EGF: variants seen among roughly 807,000 people sequenced by gnomAD.
EGF encodes pro-epidermal growth factor.
A neutral mutation model predicts 143.8 loss-of-function variants in EGF; 95 were observed. The ratio of observed to expected loss-of-function variants is 0.66; its 90% CI spans 0.56 to 0.78. The LOEUF is 0.78. Ranked by LOEUF, EGF falls within the 30% of genes least tolerant of loss-of-function variation. EGF has a pLI of 0.00. For synonymous variants in EGF, 510 were observed against 510.5 expected, an observed-to-expected ratio of 1.00 and a Z score of 0.01; for missense variants, 1,320 against 1,470.9, an observed-to-expected ratio of 0.90 and a Z score of 1.68.
intron 5 of EGF, among the ~76,000 whole-genome samples, chr4:109,955,796 G>A (rs535956097): frequency 1.7e-4 from 26 of 152,268 alleles, no homozygotes; most frequent in African/African-American, 5.3e-4. Context: ...AAAAGGCACC[G>A]TGCTAGGTGT....
intron 1 of EGF, among the ~76,000 whole-genome samples, chr4:109,920,249 A>G (rs568589819): frequency 1.3e-5 from 2 of 151,822 alleles, no homozygotes; most frequent in Admixed American, 6.5e-5. Context: ...CAACTTTCCA[A>G]TGTAAATTGC....
In EGF at chr4:110,008,225, C is replaced by G; in HGVS notation, c.3365C>G (p.Ala1122Gly). The change falls in exon 23 of 24, where the codon GCA (alanine) becomes GGA (glycine). Residue 1122 changes from alanine (A) to glycine (G), a missense_variant. By Grantham distance (60) the Ala-to-Gly change is moderately conservative. Transcript: ENST00000265171. ...GTGGCTGGTGAGGATGGCCAGGCAG[C>G]AGATGGTCAGTTTTTATCCCTGGCT... ...QPVAGEDGQA[A>G]DGSMQPTSWR... is the part of the protein sequence containing the mutation. 6.2e-7 allele frequency: 1 copy of G among 1,613,956 alleles called. No individual in the cohort carries two copies. The highest frequency in any genetic ancestry group is 8.5e-7 in the Non-Finnish European group (1 of 1,179,934).
rs139266578 is a variant in EGF at position 109,974,796 on chromosome 4, T to C, written c.1818T>C (p.His606=). The stretch of plus-strand genomic sequence containing the variant: ...CTCAACCACGAGGAATTGCTGTTCA[T>C]CCAATGGCCAAGTAGGTATTTGTAA... ...NISQPRGIAV[H]PMAKRLFWTD... The change falls in exon 12 of 24, where the codon CAT becomes CAC. Residue 606 remains histidine, a synonymous_variant. Transcript: ENST00000265171. 52 of 1,612,874 alleles carry C rather than the reference T, an allele frequency of 3.2e-5. No homozygotes were observed. The highest frequency in any genetic ancestry group is 5.0e-5 in the Admixed American group (3 of 59,984).
intron 5 of EGF, among the ~76,000 whole-genome samples, chr4:109,950,655 C>A (rs1743739145): frequency 6.6e-6 from 1 of 152,108 alleles, no homozygotes; most frequent in Non-Finnish European, 1.5e-5. Flanking sequence ...CTGTTGCAAC[C>A]ATTCTCAAAG....
chr4:109,931,335 C>T (rs956704290), intron 1 of EGF, among the ~76,000 whole-genome samples: 1 of 152,140 alleles, frequency 6.6e-6, no homozygotes, highest in Non-Finnish European at 1.5e-5. Context: ...ATAGCCTGGG[C>T]TCTGGTTTAC....
At chr4:109,941,829 C>T (rs1412038328) in intron 2 of EGF, among the ~76,000 whole-genome samples, 1 of 152,196 alleles carries the variant, frequency 6.6e-6, no homozygotes, top group Admixed American at 6.5e-5. Context: ...TACTTTACTT[C>T]ATGTACATAC....
In EGF at chr4:109,960,853, T is replaced by C; in HGVS notation, c.1067-14T>C. 6.2e-7 allele frequency: 1 copy of C among 1,613,828 alleles called. No homozygotes were observed. The highest frequency in any genetic ancestry group is 8.5e-7 in the Non-Finnish European group (1 of 1,179,818). On this transcript the variant is annotated splice_polypyrimidine_tract_variant and intron_variant, in intron 6 of 23. Coordinates refer to ENST00000265171, the MANE Select transcript of EGF (RefSeq NM_001963.6). ...ATAGCCATTTGAATGTATTGTGCTG[T>C]TGTCATTGTGCAGATGTTAATGAAT...
chr4:109,963,339 A>C (rs749082116), intron 9 of EGF, 41 bp downstream of exon 9: 22 of 1,613,370 alleles, frequency 1.4e-5, no homozygotes, highest in Non-Finnish European at 1.9e-5. Flanking sequence ...CCTGAAAAAA[A>C]ATTCATGAAA....
At chr4:109,994,688 A>G in intron 19 of EGF, 45 bp from the exon 20 acceptor site, 1 of 1,604,056 alleles carries the variant, frequency 6.2e-7, no homozygotes, top group Non-Finnish European at 8.5e-7. Context: ...CTTGAAAGAC[A>G]CTAATCCATT....
rs1560785855 is a variant in EGF at position 110,013,674 on chromosome 4, T to C, written c.*2219T>C. Among the ~76,000 whole-genome samples the C allele has an allele frequency of 6.6e-6, 1 of 152,114 alleles. No homozygotes were observed. Among genetic ancestry groups the C allele is most frequent in the Non-Finnish European group, 1.5e-5 (1 of 68,028 alleles). ...TCGTCTCATTGCGCGCAACGCCTGA[T>C]TGAGCTTCTGTTTGACTAAATATCA... On this transcript the variant is annotated 3_prime_UTR_variant, in exon 24 of 24. Transcript: ENST00000265171.
intron 1 of EGF, among the ~76,000 whole-genome samples, chr4:109,940,308 C>T (rs1222511503): frequency 2.0e-5 from 3 of 152,092 alleles, no homozygotes. Flanking sequence ...AAATAGAGAA[C>T]AAATTTTTAG....
At chr4:109,994,324 G>T (rs918846070) in intron 19 of EGF, among the ~76,000 whole-genome samples, 1 of 152,170 alleles carries the variant, frequency 6.6e-6, no homozygotes, top group African/African-American at 2.4e-5. Flanking sequence ...GGAGGTAACG[G>T]ACTGCACATT....
intron 21 of EGF, chr4:110,001,778 A>G: frequency 1.0e-6 from 1 of 985,448 alleles, no homozygotes; most frequent in Non-Finnish European, 1.2e-6. Flanking sequence ...TCATACTCCA[A>G]AAATCAGAAG....
At chr4:110,008,271 A>G in intron 23 of EGF, 41 bp downstream of exon 23, 2 of 1,609,596 alleles carry the variant, frequency 1.2e-6, no homozygotes, top group Non-Finnish European at 1.7e-6. Context: ...GGTTATTTTT[A>G]CTTAGATCCT....
chr4:109,944,290 T>G (rs1283618667), intron 4 of EGF, among the ~76,000 whole-genome samples: 1 of 151,968 alleles, frequency 6.6e-6, no homozygotes, highest in African/African-American at 2.4e-5. Context: ...ATACAAAAAA[T>G]TAGCCGGGCG....
At chr4:109,984,649 G>A (rs995528102) in intron 16 of EGF, among the ~76,000 whole-genome samples, 1 of 152,058 alleles carries the variant, frequency 6.6e-6, no homozygotes, top group African/African-American at 2.4e-5. Flanking sequence ...AAAAATCCAG[G>A]TATAAGTGGA....
intron 1 of EGF, 155 bp from the exon 2 acceptor site, chr4:109,940,791 G>A: frequency 1.4e-6 from 1 of 723,564 alleles, no homozygotes; most frequent in South Asian, 1.8e-5. Context: ...AATATCTACA[G>A]GAACTCTTTA....
intron 1 of EGF, among the ~76,000 whole-genome samples, chr4:109,925,286 T>A (rs1362432862): frequency 6.6e-6 from 1 of 152,194 alleles, no homozygotes; most frequent in African/African-American, 2.4e-5. Context: ...AAAGAATCAA[T>A]GAAAATGTGA....
At chr4:109,977,171 TGA>T (rs1303907367) in intron 13 of EGF, 3 of 152,080 alleles carry the variant, frequency 2.0e-5, no homozygotes, top group Admixed American at 6.5e-5. Flanking sequence ...ATATAGAAAA[TGA>T]GAGCCAGGGA....
Sources: allele counts gnomAD v4.1 joint callset (sites outside exome capture counted in the v4.1 genomes callset), GRCh38; gene constraint gnomAD v4.1.1; transcripts MANE v1.5; gene names NCBI Gene and HGNC (gene_info 2026-07-23, HGNC 2026-07-21).